Variants in PSMG4 observed in about 807,000 individuals in gnomAD.
The protein encoded by PSMG4 is proteasome (prosome, macropain) assembly chaperone 4.
A neutral mutation model predicts 11.0 loss-of-function variants in PSMG4; 10 were observed. The observed-to-expected ratio is 0.91, with a 90% CI of 0.56 to 1.54. The LOEUF (loss-of-function observed/expected upper bound fraction) is 1.54. Among genes scored for constraint, PSMG4 ranks in the 40% most tolerant of loss-of-function variants. The pLI is 0.00. For synonymous variants in PSMG4, 95 were observed against 71.3 expected, an observed-to-expected ratio of 1.33 and a Z score of -1.68; for missense variants, 198 against 160.9, an observed-to-expected ratio of 1.23 and a Z score of -1.25.
intron 2 of PSMG4, chr6:3,266,450 T>C (rs13201372): frequency 0.8 from 121,160 of 152,130 alleles, 48,423 homozygotes; most frequent in Non-Finnish European, 0.83. Context: ...GAGGTGGGGG[T>C]GGGTCAGTGC....
upstream of PSMG4, chr6:3,254,990 G>A (rs143308502): frequency 5.3e-4 from 807 of 1,520,188 alleles, 3 homozygotes; most frequent in African/African-American, 9.3e-3. Flanking sequence ...GGATCCCATG[G>A]ACCTAGCGCA....
upstream of PSMG4, among the ~76,000 whole-genome samples, chr6:3,254,513 T>A (rs978278565): frequency 6.6e-6 from 1 of 152,000 alleles, no homozygotes; most frequent in Non-Finnish European, 1.5e-5. Flanking sequence ...ATGTGTTGGG[T>A]TTATGAGCTG....
At chr6:3,255,597 A>G (rs1334438548), upstream of PSMG4, among the ~76,000 whole-genome samples, 1 of 152,174 alleles carries the variant, frequency 6.6e-6, no homozygotes, top group African/African-American at 2.4e-5. Context: ...CCACTGCCTG[A>G]GTGAGGCAGA....
At chr6:3,254,614 G>T (rs889343144), upstream of PSMG4, among the ~76,000 whole-genome samples, 4 of 152,138 alleles carry the variant, frequency 2.6e-5, no homozygotes, top group Admixed American at 6.5e-5. Context: ...AGTAGGCGTA[G>T]CTTTAAGAGG....
upstream of PSMG4, among the ~76,000 whole-genome samples, chr6:3,256,788 A>G (rs1757781567): frequency 6.6e-6 from 1 of 152,218 alleles, no homozygotes. Context: ...TGGCTTTCAT[A>G]GTCTGCCTCC....
At chr6:3,255,124 C>T (rs1414796897), upstream of PSMG4, 2 of 1,551,070 alleles carry the variant, frequency 1.3e-6, no homozygotes, top group East Asian at 2.4e-5. Flanking sequence ...ACCAGCTTAC[C>T]ACGTATTGGT....
upstream of PSMG4, chr6:3,258,905 T>A: frequency 9.6e-7 from 1 of 1,045,766 alleles, no homozygotes. Context: ...CCCCCGCCCT[T>A]CCGGGGCCGA....
chr6:3,259,174 C>G lies in PSMG4; in HGVS notation c.152C>G (p.Ala51Gly). The G allele has an allele frequency of 3.1e-6, 4 of 1,310,354 alleles. No individual in the cohort carries two copies. Among genetic ancestry groups the G allele is most frequent in the Non-Finnish European group, 3.9e-6 (4 of 1,030,598 alleles). 81.2% of individuals were successfully genotyped at this position (1,310,354 alleles called of 1,614,324 possible). A position where few individuals can be genotyped will look rare whatever the true frequency, so the allele number is the denominator to read the frequency against. Residue 51 changes from alanine to glycine, a missense_variant, in exon 1 of 3, where the codon GCC becomes GGC. Ala to Gly is a moderately conservative substitution (Grantham distance 60). Coordinates refer to ENST00000438998, the MANE Select transcript of PSMG4 (RefSeq NM_001128591.2). ...VGATPHLRNLAVAMCSRYDSI... is the reference protein window; with the variant it reads ...VGATPHLRNLGVAMCSRYDSI... ...GCCACGCCGCACCTGCGCAACCTCGCCGTGGCCATGTGCAGCCGCTACGTG... is the reference window on the plus strand; with the variant it reads ...GCCACGCCGCACCTGCGCAACCTCGGCGTGGCCATGTGCAGCCGCTACGTG...
Position 3,259,180 on chromosome 6 carries a change from C to T in PSMG4, c.158C>T (p.Ala53Val), listed in dbSNP as rs1270615295. ...CCGCACCTGCGCAACCTCGCCGTGG[C>T]CATGTGCAGCCGCTACGTGAGTGCC... ...ATPHLRNLAV[A>V]MCSRYDSIPV... is the part of the protein sequence containing the mutation. Residue 53 changes from alanine (A) to valine (V), a missense_variant, in exon 1 of 3, where the codon GCC becomes GTC. By Grantham distance (64) the Ala-to-Val change is moderately conservative. Transcript: ENST00000438998. 4 of 1,309,530 alleles carry T rather than the reference C, an allele frequency of 3.1e-6. No homozygotes were observed. The highest frequency in any genetic ancestry group is 2.4e-5 in the South Asian group (1 of 42,218). The allele number at this position is 1,309,530 out of a possible 1,614,324, so 81.1% of individuals were successfully genotyped here.
intron 1 of PSMG4, among the ~76,000 whole-genome samples, chr6:3,263,300 A>G (rs1052289581): frequency 5.3e-5 from 8 of 152,248 alleles, no homozygotes. Flanking sequence ...GCACCAGTGC[A>G]CAGGTGCCCC....
rs919163691 is a variant in PSMG4, at chr6:3,263,989, C to T, written c.250+230C>T. 1.2e-5 allele frequency: 16 copies of T among 1,314,554 alleles called. No homozygotes were observed. The Middle Eastern group carries it at 1.4e-3, about 117-fold the overall frequency. 81.4% of individuals were successfully genotyped at this position (1,314,554 alleles called of 1,614,324 possible). ...CTGGCCTGTTCCCAAAGGACTCCCA[C>T]CTCGTCCTTGGGTGTGTCCTTGAGT... On this transcript the variant is annotated intron_variant, in intron 2 of 2. Transcript: ENST00000438998.
chr6:3,258,895 C>A (rs1286822647), upstream of PSMG4: 3 of 953,316 alleles, frequency 3.1e-6, no homozygotes, highest in East Asian at 9.9e-5. Context: ...ACGCCCCTCA[C>A]CCCCGCCCTT....
chr6:3,256,513 G>T (rs1757772414), upstream of PSMG4, among the ~76,000 whole-genome samples: 1 of 152,230 alleles, frequency 6.6e-6, no homozygotes, highest in Admixed American at 6.5e-5. Flanking sequence ...CGGTCATTTG[G>T]GGAACGGCTG....
chr6:3,255,070 A>G (rs781022319), upstream of PSMG4: 75 of 1,550,880 alleles, frequency 4.8e-5, no homozygotes, highest in Middle Eastern at 1.5e-3. Flanking sequence ...CACTTGGAAT[A>G]TGCTTCTATT....
At chr6:3,255,420 A>G (rs1387457090), upstream of PSMG4, among the ~76,000 whole-genome samples, 2 of 150,498 alleles carry the variant, frequency 1.3e-5, no homozygotes, top group East Asian at 2.0e-4. Flanking sequence ...CACTTCGTGG[A>G]CACTCCAGCC....
chr6:3,255,245 T>TGTTGG (rs1323050407), upstream of PSMG4: 18 of 1,548,600 alleles, frequency 1.2e-5, no homozygotes, highest in Non-Finnish European at 1.6e-5. Flanking sequence ...CCTTCCATGC[T>TGTTGG]GTTGGGTTCT....
upstream of PSMG4, among the ~76,000 whole-genome samples, chr6:3,256,273 C>T (rs1481511867): frequency 1.3e-5 from 2 of 152,210 alleles, no homozygotes; most frequent in Non-Finnish European, 2.9e-5. Context: ...GGGCTAATTT[C>T]TAGGTATATA....
At chr6:3,265,805 G>A (rs1758160606) in intron 2 of PSMG4, 1 of 152,182 alleles carries the variant, frequency 6.6e-6, no homozygotes. Flanking sequence ...CTCCGCCTCG[G>A]GGGCACACTG....
chr6:3,257,562 T>C (rs372599192), upstream of PSMG4, among the ~76,000 whole-genome samples: 7 of 152,220 alleles, frequency 4.6e-5, no homozygotes, highest in East Asian at 7.7e-4. Flanking sequence ...GAACACTGCT[T>C]AGTAATACAA....
Sources: allele counts gnomAD v4.1 joint callset (sites outside exome capture counted in the v4.1 genomes callset), GRCh38; gene constraint gnomAD v4.1.1; transcripts MANE v1.5; gene names NCBI Gene and HGNC (gene_info 2026-07-23, HGNC 2026-07-21).